MTMR3: variants seen among roughly 807,000 people sequenced by gnomAD.
MTMR3 encodes myotubularin related protein 3.
A neutral mutation model predicts 132.4 loss-of-function variants in MTMR3; 32 were observed. The observed-to-expected ratio is 0.24, with a 90% CI of 0.18 to 0.32. MTMR3 has a LOEUF of 0.32. Ranked by LOEUF, MTMR3 falls within the 10% of genes least tolerant of loss-of-function variation. The probability of loss-of-function intolerance (pLI) is 1.00; values close to 1 mark genes in which losing one functional copy is unlikely to be tolerated. For synonymous variants in MTMR3, 556 were observed against 550.3 expected (o/e 1.01, Z -0.14); for missense variants, 1,216 against 1,489.6 (o/e 0.82, Z 3.02).
chr22:29,933,348 A>G (rs896225043), intron 1 of MTMR3, among the ~76,000 whole-genome samples: 1 of 152,062 alleles, frequency 6.6e-6, no homozygotes, highest in South Asian at 2.1e-4. Context: ...ATAACCACAG[A>G]CAATCTTTCA....
rs6006316 is a variant in MTMR3 at position 29,970,892 on chromosome 22, G to A, written c.-84-84G>A. On this transcript the variant is annotated intron_variant, in intron 2 of 19. Transcript: ENST00000401950. ...TATACAATACCTTTGTGAGGATATG[G>A]CCGATTAGGGGAAAAACTATTGCCA... 208 of 609,406 alleles carry A rather than the reference G, an allele frequency of 3.4e-4. No individual in the cohort carries two copies. The African/African-American group carries it at 3.6e-3, about 11-fold the overall frequency. The allele number at this position is 609,406 out of a possible 1,614,324, so 37.7% of individuals were successfully genotyped here.
intron 13 of MTMR3, 177 bp downstream of exon 13, chr22:30,012,740 C>A (rs2067464426): frequency 3.4e-6 from 2 of 583,058 alleles, no homozygotes; most frequent in South Asian, 6.4e-5. Flanking sequence ...GTTCTTGCAC[C>A]TCTTAAAATG....
At chr22:29,908,965 T>G (rs2065153135) in intron 1 of MTMR3, among the ~76,000 whole-genome samples, 1 of 95,520 alleles carries the variant, frequency 1.0e-5, no homozygotes, top group Non-Finnish European at 2.3e-5. Context: ...ATGTTAATTT[T>G]TCTTTTCTTT....
chr22:29,962,434 A>G (rs2066330267), intron 2 of MTMR3, among the ~76,000 whole-genome samples: 1 of 152,128 alleles, frequency 6.6e-6, no homozygotes, highest in Admixed American at 6.6e-5. Context: ...TGGGAGGCCA[A>G]GGTGAGAGGA....
At chr22:29,912,663 A>G (rs2065236497) in intron 1 of MTMR3, among the ~76,000 whole-genome samples, 1 of 152,186 alleles carries the variant, frequency 6.6e-6, no homozygotes, top group Non-Finnish European at 1.5e-5. Flanking sequence ...CCTGGAGGTA[A>G]TGCATTAGGT....
At chr22:29,899,470 T>C (rs2064964097) in intron 1 of MTMR3, 1 of 152,228 alleles carries the variant, frequency 6.6e-6, no homozygotes, top group Non-Finnish European at 1.5e-5. Context: ...AGTTGTTTTG[T>C]CTTTAGTTTC....
At chr22:29,896,285 A>G (rs1489048872) in intron 1 of MTMR3, among the ~76,000 whole-genome samples, 2 of 152,140 alleles carry the variant, frequency 1.3e-5, no homozygotes, top group Non-Finnish European at 2.9e-5. Flanking sequence ...ACTCCAGCCT[A>G]GGTGATAGAG....
chr22:29,946,557 T>C (rs2065957583), intron 1 of MTMR3, among the ~76,000 whole-genome samples: 1 of 152,100 alleles, frequency 6.6e-6, no homozygotes, highest in South Asian at 2.1e-4. Context: ...TGAAGAAAAA[T>C]GAGGGAACAA....
rs2064938169 is a variant in MTMR3 at position 29,898,103 on chromosome 22, G to A, written c.-138+14744G>A. On this transcript the variant is annotated intron_variant, in intron 1 of 19. Transcript: ENST00000401950. ...TGATTCTCGAGCCTCAGCCTCTCGA[G>A]TAGCTGGGATTACAAGTGTGAGCCA... 2.6e-5 allele frequency among the ~76,000 whole-genome samples: 4 copies of A among 152,038 alleles called. No individual in the cohort carries two copies. In the South Asian group the frequency reaches 8.3e-4, roughly 32 times the overall value.
chr22:29,978,672 A>T, intron 4 of MTMR3, 141 bp downstream of exon 4: 2 of 676,684 alleles, frequency 3.0e-6, no homozygotes, highest in Non-Finnish European at 4.9e-6. Flanking sequence ...AAAACATCTC[A>T]TTTTAGCAAG....
At chr22:29,922,890 GT>G (rs1244646272) in intron 1 of MTMR3, among the ~76,000 whole-genome samples, 2,046 of 134,528 alleles carry the variant, frequency 0.015, 32 homozygotes, top group African/African-American at 0.052. Context: ...AGTGACTAGT[GT>G]TTTTTTTTTT....
intron 11 of MTMR3, chr22:30,008,735 C>G (rs185475393): frequency 6.8e-6 from 2 of 295,454 alleles, no homozygotes; most frequent in Admixed American, 4.9e-5. Flanking sequence ...AGAGTGAGAT[C>G]GAAGTAGGCC....
intron 8 of MTMR3, chr22:29,999,066 C>A (rs961119594): frequency 1.1e-5 from 4 of 357,560 alleles, no homozygotes; most frequent in African/African-American, 8.5e-5. Flanking sequence ...TTAACAGGAT[C>A]CTAGAACCTT....
At chr22:29,976,172 A>C (rs1453165402) in intron 3 of MTMR3, among the ~76,000 whole-genome samples, 2 of 151,886 alleles carry the variant, frequency 1.3e-5, no homozygotes, top group African/African-American at 4.8e-5. Flanking sequence ...TTTAAAGATA[A>C]AAGTTGTAAG....
rs561604910 is a variant in MTMR3, at chr22:29,908,948, A to G, written c.-138+25589A>G. On this transcript the variant is annotated intron_variant, in intron 1 of 19. Coordinates refer to ENST00000401950, the MANE Select transcript of MTMR3 (RefSeq NM_021090.4). ...AAGTTAAGAGTGCTTTTATTTATTTAAGAAATATGTTAATTTTTCTTTTCT... is the reference window on the plus strand; with the variant it reads ...AAGTTAAGAGTGCTTTTATTTATTTGAGAAATATGTTAATTTTTCTTTTCT... Among the ~76,000 whole-genome samples the G allele has an allele frequency of 2.0e-5, 3 of 150,342 alleles. No individual in the cohort carries two copies. In the South Asian group the frequency reaches 6.2e-4, roughly 31 times the overall value.
At chr22:29,887,605 T>C (rs1602403814) in intron 1 of MTMR3, among the ~76,000 whole-genome samples, 3 of 152,358 alleles carry the variant, frequency 2.0e-5, no homozygotes, top group Admixed American at 6.5e-5. Flanking sequence ...AGTCACAATG[T>C]TGCAGGGACT....
In MTMR3 at chr22:29,888,053, G is replaced by A. The variant is rs2064713252; in HGVS notation, c.-138+4694G>A. Among the ~76,000 whole-genome samples, 4 of 151,332 alleles carry A rather than the reference G, an allele frequency of 2.6e-5. No individual in the cohort carries two copies. In the South Asian group the frequency reaches 8.3e-4, roughly 32 times the overall value. ...TTTTTTGGACACAGAATCTTGCTCT[G>A]TTTGCCCAGGCTAGAGTGCAGTGGC... On this transcript the variant is annotated intron_variant, in intron 1 of 19. Transcript: ENST00000401950.
chr22:29,963,828 T>A (rs1353094651), intron 2 of MTMR3, among the ~76,000 whole-genome samples: 1 of 145,706 alleles, frequency 6.9e-6, no homozygotes, highest in African/African-American at 2.5e-5. Context: ...TGGGTGAGAG[T>A]GAGACCCTGT....
chr22:30,011,325 G>C (rs2067415960), intron 12 of MTMR3: 1 of 152,200 alleles, frequency 6.6e-6, no homozygotes, highest in Non-Finnish European at 1.5e-5. Flanking sequence ...AAGCAAGTGT[G>C]ATTAGCTTGT....
Sources: allele counts gnomAD v4.1 joint callset (sites outside exome capture counted in the v4.1 genomes callset), GRCh38; gene constraint gnomAD v4.1.1; transcripts MANE v1.5; gene names NCBI Gene and HGNC (gene_info 2026-07-23, HGNC 2026-07-21).